The following STIM2 variants were observed in gnomAD, a reference collection of about 807,000 sequenced individuals.
The protein encoded by STIM2 is stromal interaction molecule 2.
Under a neutral mutation model 85.8 loss-of-function variants are expected in STIM2, and 31 were observed. That is an observed-to-expected ratio of 0.36 (90% CI 0.27 to 0.49). STIM2 has a LOEUF of 0.49. Ranked by LOEUF, STIM2 falls within the 20% of genes least tolerant of loss-of-function variation. STIM2 has a pLI of 0.98. For missense variants in STIM2, 841 were observed against 927.6 expected (o/e 0.91, Z 1.21); for synonymous variants, 356 against 331.1 (o/e 1.08, Z -0.82).
At chr4:26,861,691 G>T (rs1359193985) in intron 1 of STIM2, 3 of 211,934 alleles carry the variant, frequency 1.4e-5, no homozygotes, top group African/African-American at 2.4e-5. Context: ...AGGGGACTGG[G>T]CTGATTTTTT....
chr4:26,869,667 C>A (rs1221376486), intron 1 of STIM2, among the ~76,000 whole-genome samples: 2 of 151,702 alleles, frequency 1.3e-5, no homozygotes, highest in African/African-American at 4.9e-5. Flanking sequence ...CTGTGAGGCA[C>A]CACAGATGGC....
chr4:26,994,799 G>A (rs1043498400), intron 3 of STIM2, among the ~76,000 whole-genome samples: 2 of 151,942 alleles, frequency 1.3e-5, no homozygotes, highest in Non-Finnish European at 2.9e-5. Context: ...GGGACTCCTT[G>A]CAATTTTTAG....
rs985105906 is a variant in STIM2 at position 26,997,005 on chromosome 4, A to T, written c.509+1515A>T. The stretch of plus-strand genomic sequence containing the variant: ...ACTTGTCAAGATCAACTCCTTAAAT[A>T]GTGAACATGTTACTATAGAAAAACA... On this transcript the variant is annotated intron_variant, in intron 4 of 11. Coordinates refer to ENST00000467087, the MANE Select transcript of STIM2 (RefSeq NM_020860.4). Among the ~76,000 whole-genome samples the T allele has an allele frequency of 2.0e-5, 3 of 152,190 alleles. No homozygotes were observed. In the East Asian group the frequency reaches 5.8e-4, roughly 29 times the overall value.
intron 7 of STIM2, among the ~76,000 whole-genome samples, chr4:27,005,068 A>G (rs1728285284): frequency 6.6e-6 from 1 of 152,206 alleles, no homozygotes; most frequent in African/African-American, 2.4e-5. Flanking sequence ...CTGCTATTAA[A>G]AGCTTTGCTT....
intron 4 of STIM2, among the ~76,000 whole-genome samples, chr4:26,998,003 T>G (rs1046404857): frequency 6.6e-6 from 1 of 152,200 alleles, no homozygotes; most frequent in African/African-American, 2.4e-5. Context: ...AATCCTTGCC[T>G]TACCTATTAC....
chr4:26,997,889 A>T (rs911316365), intron 4 of STIM2, among the ~76,000 whole-genome samples: 4 of 152,248 alleles, frequency 2.6e-5, no homozygotes, highest in Non-Finnish European at 1.5e-5. Flanking sequence ...TAGAAGCCTC[A>T]TAGGAGTTCC....
chr4:26,958,679 A>G (rs1726337207), intron 3 of STIM2, among the ~76,000 whole-genome samples: 1 of 150,840 alleles, frequency 6.6e-6, no homozygotes, highest in African/African-American at 2.5e-5. Flanking sequence ...AAAAATATAT[A>G]GACTTTTAAA....
At chr4:26,996,949 T>C (rs529466718) in intron 4 of STIM2, among the ~76,000 whole-genome samples, 2 of 152,270 alleles carry the variant, frequency 1.3e-5, no homozygotes, top group African/African-American at 4.8e-5. Context: ...TCAGAGATGC[T>C]TCCAATTCTG....
At chr4:26,922,578 C>A (rs756376236) in intron 2 of STIM2, among the ~76,000 whole-genome samples, 3 of 152,118 alleles carry the variant, frequency 2.0e-5, no homozygotes, top group Non-Finnish European at 4.4e-5. Flanking sequence ...GCGGTGTGCT[C>A]AGAGCTTCCA....
chr4:26,864,063 A>G (rs948970195), intron 1 of STIM2, among the ~76,000 whole-genome samples: 15 of 152,130 alleles, frequency 9.9e-5, no homozygotes, highest in African/African-American at 3.1e-4. Context: ...TATTTGCTCA[A>G]ATAAACTGTT....
chr4:26,957,594 A>T lies in STIM2; in HGVS notation c.283-18A>T, dbSNP rs779364352. On this transcript the variant is annotated intron_variant, in intron 2 of 11. Transcript: ENST00000467087. ...AGGTAATGAATTTATATTTAACTTAATGTTTTCTCTTCTATAGTTCATCAG... is the reference window on the plus strand; with the variant it reads ...AGGTAATGAATTTATATTTAACTTATTGTTTTCTCTTCTATAGTTCATCAG... 3.8e-6 allele frequency: 5 copies of T among 1,331,726 alleles called. No individual in the cohort carries two copies. The African/African-American group carries it at 7.7e-5, about 20-fold the overall frequency. 82.5% of individuals were successfully genotyped at this position (1,331,726 alleles called of 1,614,324 possible). A position where few individuals can be genotyped will look rare whatever the true frequency, so the allele number is the denominator to read the frequency against.
intron 3 of STIM2, among the ~76,000 whole-genome samples, chr4:26,967,257 A>T (rs553155954): frequency 9.8e-5 from 15 of 152,338 alleles, no homozygotes; most frequent in Non-Finnish European, 2.2e-4. Flanking sequence ...TCTAAAAGCA[A>T]ACAAAGAGAT....
intron 2 of STIM2, among the ~76,000 whole-genome samples, chr4:26,946,567 C>T (rs753560027): frequency 7.9e-5 from 12 of 152,196 alleles, no homozygotes; most frequent in South Asian, 4.1e-4. Context: ...TGTGTGTGTG[C>T]GCACGCATGC....
chr4:26,953,044 T>C (rs893731576), intron 2 of STIM2, among the ~76,000 whole-genome samples: 26 of 152,182 alleles, frequency 1.7e-4, no homozygotes, highest in African/African-American at 6.3e-4. Flanking sequence ...CCATCTGTTT[T>C]ACTGACTCAC....
intron 1 of STIM2, among the ~76,000 whole-genome samples, chr4:26,905,267 C>T (rs560109465): frequency 5.3e-5 from 8 of 152,092 alleles, no homozygotes; most frequent in South Asian, 2.1e-4. Context: ...AAGTAGTTGA[C>T]GAATTAGATT....
intron 3 of STIM2, among the ~76,000 whole-genome samples, chr4:26,977,049 A>G (rs1577475085): frequency 6.6e-6 from 1 of 152,230 alleles, no homozygotes; most frequent in East Asian, 1.9e-4. Context: ...CAGATGGAAC[A>G]AGGGCTAGTT....
rs116605557 is a variant in STIM2 at position 26,889,017 on chromosome 4, A to C, written c.151+27648A>C. 3.3e-3 allele frequency among the ~76,000 whole-genome samples: 501 copies of C among 152,282 alleles called. 2 individuals carry two copies. Among genetic ancestry groups the C allele is most frequent in the African/African-American group, 0.011 (464 of 41,558 alleles). On this transcript the variant is annotated intron_variant, in intron 1 of 11. Transcript: ENST00000467087. The stretch of plus-strand genomic sequence containing the variant: ...GTTCAGTGGAATCATTCTATCTCCC[A>C]GTGGAAACAGTCCTCTTTTTGGAAA...
At chr4:26,927,780 A>T (rs1725023219) in intron 2 of STIM2, among the ~76,000 whole-genome samples, 1 of 145,524 alleles carries the variant, frequency 6.9e-6, no homozygotes, top group Non-Finnish European at 1.5e-5. Context: ...TTATTAATAT[A>T]ATAAAATATA....
chr4:27,001,382 T>A (rs1050780361), intron 5 of STIM2, among the ~76,000 whole-genome samples: 3 of 152,194 alleles, frequency 2.0e-5, no homozygotes, highest in Admixed American at 2.0e-4. Flanking sequence ...CTCCTCACTC[T>A]TTGTTTTAGA....
Sources: allele counts gnomAD v4.1 joint callset (sites outside exome capture counted in the v4.1 genomes callset), GRCh38; gene constraint gnomAD v4.1.1; transcripts MANE v1.5; gene names NCBI Gene and HGNC (gene_info 2026-07-23, HGNC 2026-07-21).